DST: variants seen among roughly 807,000 people sequenced by gnomAD.
The protein encoded by DST is dystonin.
Under a neutral mutation model 875.2 loss-of-function variants are expected in DST, and 253 were observed. The observed-to-expected ratio is 0.29, with a 90% CI of 0.26 to 0.32. The LOEUF (loss-of-function observed/expected upper bound fraction) is 0.32, where lower values mean the gene tolerates loss of function less well. DST is among the 10% of genes least tolerant of loss of function. The pLI, the probability that DST is intolerant of heterozygous loss-of-function variation, is 1.00. For synonymous variants in DST, 3,124 were observed against 3,197.1 expected (o/e 0.98, Z 0.77); for missense variants, 8,287 against 9,111.6 (o/e 0.91, Z 3.68).
At chr6:56,801,796 C>T (rs1020551038) in intron 4 of DST, among the ~76,000 whole-genome samples, 4 of 146,916 alleles carry the variant, frequency 2.7e-5, no homozygotes, top group Non-Finnish European at 5.9e-5. Flanking sequence ...GTCACCCAGG[C>T]CGGAGCGCGA....
rs2152713878 is a variant in DST, at chr6:56,608,362, T to C, written c.6266A>G (p.Gln2089Arg). 1.2e-6 allele frequency: 2 copies of C among 1,612,774 alleles called. No individual in the cohort carries two copies. The highest frequency in any genetic ancestry group is 1.7e-6 in the Non-Finnish European group (2 of 1,179,790). Residue 2089 changes from glutamine to arginine, a missense_variant, in exon 40 of 104, where the codon CAA becomes CGA. Transcript: ENST00000680361. ...GGCCAATTCATTTGTAATCAATTCT[T>C]GCTGCAAGGAAGATGATGTGGGAAA... ...EIFPTSSSLQQELITNELAYK... is the reference protein window; with the variant it reads ...EIFPTSSSLQRELITNELAYK...
At position 56,812,110 on chromosome 6, in the gene DST, AAAAGAAAAG is replaced by A. The variant is rs1341606143; in HGVS notation, c.625+39278_625+39286del. Among the ~76,000 whole-genome samples, 56 of 59,274 alleles carry A rather than the reference AAAAGAAAAG, an allele frequency of 9.4e-4. 1 individual carries two copies. Among genetic ancestry groups the A allele is most frequent in the African/African-American group, 2.1e-3 (32 of 15,356 alleles). 38.9% of individuals were successfully genotyped at this position (59,274 alleles called of 152,430 possible). ...GAAAGAGACTCTGACTCAAAAAAAAAAAAGAAAAGAAAAGAAAAGAAAAGAAAAGAAAAG... is the reference window on the plus strand; with the variant it reads ...GAAAGAGACTCTGACTCAAAAAAAAAAAAAGAAAAGAAAAGAAAAGAAAAG... On this transcript the variant is annotated intron_variant, in intron 4 of 103. Coordinates refer to ENST00000680361, the MANE Select transcript of DST (RefSeq NM_001374736.1).
intron 9 of DST, among the ~76,000 whole-genome samples, chr6:56,678,880 C>G (rs1007183893): frequency 6.6e-6 from 1 of 152,166 alleles, no homozygotes; most frequent in African/African-American, 2.4e-5. Context: ...TTGCTGCCGC[C>G]AGAGACTCAA....
At chr6:56,756,409 G>A (rs1347512322) in intron 4 of DST, among the ~76,000 whole-genome samples, 1 of 152,144 alleles carries the variant, frequency 6.6e-6, no homozygotes, top group East Asian at 1.9e-4. Context: ...ACATCAATGT[G>A]GGACACGGCC....
At chr6:56,695,195 TTC>T (rs1349015406) in intron 9 of DST, among the ~76,000 whole-genome samples, 5 of 149,118 alleles carry the variant, frequency 3.4e-5, no homozygotes, top group African/African-American at 2.5e-5. Flanking sequence ...CTCCTCCTCC[TTC>T]TCTCTCTCTC....
intron 4 of DST, among the ~76,000 whole-genome samples, chr6:56,787,922 T>A (rs202192556): frequency 6.6e-6 from 1 of 151,768 alleles, no homozygotes; most frequent in East Asian, 2.0e-4. Flanking sequence ...GTGGATCACC[T>A]GAGGTCACGA....
intron 9 of DST, chr6:56,692,961 G>A: frequency 7.8e-7 from 1 of 1,289,758 alleles, no homozygotes. Flanking sequence ...GCTGACTGCT[G>A]CTCTTCTTCT....
At chr6:56,743,848 G>A (rs1589505566) in intron 4 of DST, among the ~76,000 whole-genome samples, 1 of 152,164 alleles carries the variant, frequency 6.6e-6, no homozygotes, top group Non-Finnish European at 1.5e-5. Context: ...TAAAAAATGA[G>A]TTAAAAATAA....
rs1393530272 is a variant in DST at position 56,764,986 on chromosome 6, G to GGAGA, written c.626-29698_626-29697insTCTC. 7.5e-3 allele frequency among the ~76,000 whole-genome samples: 980 copies of GGAGA among 130,792 alleles called. 18 individuals carry two copies. Among genetic ancestry groups the GGAGA allele is most frequent in the African/African-American group, 0.028 (944 of 34,246 alleles). 85.8% of individuals were successfully genotyped at this position (130,792 alleles called of 152,430 possible). A position where few individuals can be genotyped will look rare whatever the true frequency, so the allele number is the denominator to read the frequency against. On this transcript the variant is annotated intron_variant, in intron 4 of 103. Transcript: ENST00000680361. ...GGAAGGAAGAAAGGGAGGGAGGGAG[G>GGAGA]GAGGGAGGGAGGAAGGGAGGGAGGG...
intron 4 of DST, among the ~76,000 whole-genome samples, chr6:56,789,557 T>C (rs541201998): frequency 1.3e-5 from 2 of 152,214 alleles, no homozygotes; most frequent in South Asian, 4.2e-4. Flanking sequence ...CTCTAGAAGT[T>C]TTACATCTTG....
intron 4 of DST, among the ~76,000 whole-genome samples, chr6:56,841,420 GA>G (rs1387266797): frequency 6.6e-6 from 1 of 152,182 alleles, no homozygotes; most frequent in African/African-American, 2.4e-5. Flanking sequence ...CAATATGTTT[GA>G]AAATGTATCT....
At chr6:56,615,074 C>T (rs1165419066) in intron 36 of DST, 1 of 1,018,106 alleles carries the variant, frequency 9.8e-7, no homozygotes, top group Non-Finnish European at 1.2e-6. Flanking sequence ...TAAAACACTG[C>T]AGCTTGAAGG....
intron 61 of DST, among the ~76,000 whole-genome samples, chr6:56,544,781 T>C (rs1019876999): frequency 6.6e-6 from 1 of 152,216 alleles, no homozygotes; most frequent in African/African-American, 2.4e-5. Context: ...TTAAGATTTG[T>C]GCTATTAAAA....
Position 56,704,352 on chromosome 6 carries a change from A to T in DST, c.705T>A (p.Asn235Lys). 6.4e-7 allele frequency: 1 copy of T among 1,567,394 alleles called. No individual in the cohort carries two copies. The highest frequency in any genetic ancestry group is 8.7e-7 in the Non-Finnish European group (1 of 1,154,754). ...QHLMKVRKHV[N>K]DLYEDLRDGH... ...CATCCCTTAAGTCTTCATAGAGATC[A>T]TTCACATGTTTTCGAACCTATAAAG... The change falls in exon 6 of 104, where the codon AAT (asparagine) becomes AAA (lysine). Residue 235 changes from asparagine (N) to lysine (K), a missense_variant. Physicochemically the swap from Asn to Lys is moderately conservative, Grantham distance 94. Coordinates refer to ENST00000680361, the MANE Select transcript of DST (RefSeq NM_001374736.1).
At position 56,632,047 on chromosome 6, in the gene DST, A is replaced by C. The variant is rs747520369; in HGVS notation, c.3806-7T>G. 54 of 1,607,194 alleles carry C rather than the reference A, an allele frequency of 3.4e-5. No homozygotes were observed. The highest frequency in any genetic ancestry group is 3.2e-5 in the Non-Finnish European group (38 of 1,174,124). ...ACTGATTCCTCTTGCTCCTCTGTGA[A>C]AATAAATATGTTTAGAAAATACCTT... On this transcript the variant is annotated splice_polypyrimidine_tract_variant and splice_region_variant and intron_variant, in intron 28 of 103. Transcript: ENST00000680361.
chr6:56,892,322 CTTT>C (rs1167025436), intron 3 of DST, among the ~76,000 whole-genome samples: 1 of 133,938 alleles, frequency 7.5e-6, no homozygotes, highest in Non-Finnish European at 1.6e-5. Context: ...ATTCCTATCC[CTTT>C]TTTTTTTTTT....
At chr6:56,767,999 C>T (rs755979039) in intron 4 of DST, among the ~76,000 whole-genome samples, 3 of 151,990 alleles carry the variant, frequency 2.0e-5, no homozygotes, top group Non-Finnish European at 4.4e-5. Context: ...AAAGATGAAG[C>T]TAAAGAGGTA....
intron 3 of DST, among the ~76,000 whole-genome samples, chr6:56,896,680 G>A (rs1006964556): frequency 2.0e-5 from 3 of 152,182 alleles, no homozygotes; most frequent in South Asian, 4.1e-4. Flanking sequence ...GTATCACCTT[G>A]CGGTTTTGAT....
chr6:56,789,462 A>G (rs1590410046), intron 4 of DST, among the ~76,000 whole-genome samples: 1 of 152,354 alleles, frequency 6.6e-6, no homozygotes, highest in East Asian at 1.9e-4. Context: ...TAACTATAAC[A>G]TAAAATTTAC....
Sources: gnomAD v4.1 joint callset for allele counts (sites outside exome capture counted in the v4.1 genomes callset) on GRCh38, gnomAD v4.1.1 for gene constraint, MANE v1.5 for transcripts, NCBI Gene and HGNC (gene_info 2026-07-23, HGNC 2026-07-21) for gene names.